LCMT1: variants seen among roughly 807,000 people sequenced by gnomAD.
LCMT1 encodes leucine carboxyl methyltransferase 1.
LCMT1 carries 32 observed loss-of-function variants against 47.7 expected under a neutral mutation model. The ratio of observed to expected loss-of-function variants is 0.67; its 90% CI spans 0.51 to 0.90. LCMT1 has a LOEUF of 0.90. Among genes scored for constraint, LCMT1 ranks in the 40% least tolerant of loss-of-function variants. LCMT1 has a pLI of 0.00. For synonymous variants in LCMT1, 152 were observed against 149.7 expected (o/e 1.02, Z -0.11); for missense variants, 375 against 415.2 (o/e 0.90, Z 0.84).
intron 7 of LCMT1, 124 bp downstream of exon 7, chr16:25,164,842 CT>C: frequency 7.9e-7 from 1 of 1,269,362 alleles, no homozygotes; most frequent in Non-Finnish European, 1.1e-6. Context: ...CACATATCTC[CT>C]TTATTCACCA....
chr16:25,163,808 C>T (rs949468966), intron 6 of LCMT1, among the ~76,000 whole-genome samples: 1 of 152,128 alleles, frequency 6.6e-6, no homozygotes, highest in Non-Finnish European at 1.5e-5. Context: ...TTGGGTAGGG[C>T]ATACCATGTT....
intron 5 of LCMT1, among the ~76,000 whole-genome samples, chr16:25,151,849 C>T (rs182055993): frequency 1.3e-5 from 2 of 152,164 alleles, no homozygotes; most frequent in East Asian, 3.9e-4. Flanking sequence ...AGCACAGCCT[C>T]CTGCTAGAAG....
chr16:25,134,646 G>A (rs1242164493), intron 3 of LCMT1, among the ~76,000 whole-genome samples: 1 of 152,150 alleles, frequency 6.6e-6, no homozygotes, highest in Non-Finnish European at 1.5e-5. Flanking sequence ...TCTCACCCAG[G>A]CTGGAATGCC....
intron 3 of LCMT1, among the ~76,000 whole-genome samples, chr16:25,138,439 A>C (rs1276871953): frequency 2.6e-5 from 4 of 151,854 alleles, no homozygotes; most frequent in Admixed American, 2.6e-4. Flanking sequence ...CTAGGATGAT[A>C]GGATGATGTG....
intron 1 of LCMT1, 77 bp downstream of exon 1, chr16:25,112,073 A>G: frequency 1.0e-6 from 1 of 960,798 alleles, no homozygotes; most frequent in South Asian, 1.3e-5. Context: ...CATCTGAAGA[A>G]TACGCTCAAG....
intron 5 of LCMT1, 90 bp downstream of exon 5, chr16:25,151,705 G>A: frequency 1.3e-6 from 1 of 749,680 alleles, no homozygotes; most frequent in Non-Finnish European, 2.3e-6. Context: ...GGGTGTGTGT[G>A]TGTGTGTGTG....
At chr16:25,169,367 T>C (rs1597605081) in intron 8 of LCMT1, 154 bp downstream of exon 8, 1 of 579,996 alleles carries the variant, frequency 1.7e-6, no homozygotes, top group East Asian at 2.8e-5. Flanking sequence ...TAGTTCATGA[T>C]GCTGGGAAGA....
chr16:25,111,744 C>T lies in LCMT1; in HGVS notation c.-140C>T, dbSNP rs767839889. 7 of 623,484 alleles carry T rather than the reference C, an allele frequency of 1.1e-5. No homozygotes were observed. Among genetic ancestry groups the T allele is most frequent in the Non-Finnish European group, 2.0e-5 (7 of 343,122 alleles). The allele number at this position is 623,484 out of a possible 1,614,324, so 38.6% of individuals were successfully genotyped here. ...CTGGGGTAGCCGGCGTGGGCGGCGT[C>T]ACTGAGCCGCGCCAGCTGAGCCAGG... On this transcript the variant is annotated 5_prime_UTR_variant, in exon 1 of 11. Coordinates refer to ENST00000399069, the MANE Select transcript of LCMT1 (RefSeq NM_016309.3).
chr16:25,144,815 G>T (rs1257729303), intron 4 of LCMT1: 1 of 152,186 alleles, frequency 6.6e-6, no homozygotes, highest in African/African-American at 2.4e-5. Context: ...CGAAAAATGA[G>T]CCACTGGCTT....
At chr16:25,151,153 A>G (rs1440561715) in intron 4 of LCMT1, among the ~76,000 whole-genome samples, 1 of 152,242 alleles carries the variant, frequency 6.6e-6, no homozygotes, top group African/African-American at 2.4e-5. Flanking sequence ...GCTACCTGTT[A>G]CAAATAACAA....
chr16:25,155,184 G>C (rs1242185551), intron 5 of LCMT1, among the ~76,000 whole-genome samples: 5 of 152,056 alleles, frequency 3.3e-5, no homozygotes, highest in Admixed American at 2.6e-4. Context: ...ATGCATCTTA[G>C]AATTGATGAT....
chr16:25,165,517 C>CTTTTT (rs202030233), intron 7 of LCMT1, among the ~76,000 whole-genome samples: 1 of 145,316 alleles, frequency 6.9e-6, no homozygotes, highest in Non-Finnish European at 1.5e-5. Context: ...CTTTTCTTTT[C>CTTTTT]TTTTTTTTTT....
chr16:25,159,051 A>C (rs916179753), intron 5 of LCMT1: 1 of 152,140 alleles, frequency 6.6e-6, no homozygotes, highest in Non-Finnish European at 1.5e-5. Flanking sequence ...TTTGCTTTAC[A>C]TGCTAATGTT....
chr16:25,158,802 A>G (rs902942672), intron 5 of LCMT1: 1 of 152,204 alleles, frequency 6.6e-6, no homozygotes, highest in African/African-American at 2.4e-5. Flanking sequence ...GTAGCCCCTG[A>G]CTTAAGAAGA....
intron 1 of LCMT1, among the ~76,000 whole-genome samples, chr16:25,117,433 A>C (rs761344490): frequency 6.6e-6 from 1 of 152,178 alleles, no homozygotes; most frequent in Non-Finnish European, 1.5e-5. Context: ...CCGGCTGGAC[A>C]TCTCCACTTG....
At chr16:25,162,156 A>G (rs1235407113) in intron 6 of LCMT1, among the ~76,000 whole-genome samples, 1 of 152,206 alleles carries the variant, frequency 6.6e-6, no homozygotes, top group African/African-American at 2.4e-5. Context: ...ATATATGCAT[A>G]AGGAGGATGT....
chr16:25,119,793 G>A (rs745441143), intron 1 of LCMT1, among the ~76,000 whole-genome samples: 1 of 152,054 alleles, frequency 6.6e-6, no homozygotes, highest in Non-Finnish European at 1.5e-5. Context: ...CAAGGCAGGT[G>A]CTGCTTTCCA....
intron 6 of LCMT1, among the ~76,000 whole-genome samples, chr16:25,161,923 G>C (rs1379765786): frequency 6.6e-6 from 1 of 152,068 alleles, no homozygotes; most frequent in East Asian, 1.9e-4. Flanking sequence ...GTGATAATCA[G>C]ATGAAATTCT....
At position 25,158,111 on chromosome 16, in the gene LCMT1, C is replaced by T. The variant is rs138214236; in HGVS notation, c.467-2991C>T. Among the ~76,000 whole-genome samples the T allele has an allele frequency of 7.7e-3, 1,175 of 152,336 alleles. 16 individuals are homozygous for T. Among genetic ancestry groups the T allele is most frequent in the African/African-American group, 0.027 (1,132 of 41,556 alleles). ...CTTCACCTTGGAATCAGATTGGACA[C>T]CACCCCTGTGTTCCACATCCACATT... On this transcript the variant is annotated intron_variant, in intron 5 of 10. Coordinates refer to ENST00000399069, the MANE Select transcript of LCMT1 (RefSeq NM_016309.3).
Sources: gnomAD v4.1 joint callset for allele counts (sites outside exome capture counted in the v4.1 genomes callset) on GRCh38, gnomAD v4.1.1 for gene constraint, MANE v1.5 for transcripts, NCBI Gene and HGNC (gene_info 2026-07-23, HGNC 2026-07-21) for gene names.